PATJ: variants seen among roughly 807,000 people sequenced by gnomAD.
PATJ encodes PATJ crumbs cell polarity complex component, also known as inaD-like protein.
PATJ carries 190 observed loss-of-function variants against 224.9 expected under a neutral mutation model. The ratio of observed to expected loss-of-function variants is 0.84; its 90% CI spans 0.75 to 0.95. The LOEUF is 0.95. Among genes scored for constraint, PATJ ranks in the 40% least tolerant of loss-of-function variants. The probability of loss-of-function intolerance (pLI) is 0.00; values close to 1 mark genes in which losing one functional copy is unlikely to be tolerated. For missense variants in PATJ, 2,121 were observed against 2,270.3 expected (o/e 0.93, Z 1.34); for synonymous variants, 769 against 820.3 (o/e 0.94, Z 1.07).
intron 29 of PATJ, among the ~76,000 whole-genome samples, chr1:62,028,823 C>T (rs1648572206): frequency 6.6e-6 from 1 of 151,776 alleles, no homozygotes; most frequent in African/African-American, 2.4e-5. Flanking sequence ...AAATGGTAGC[C>T]TGTACCTGTA....
At chr1:61,755,162 A>T (rs1196702782) in intron 1 of PATJ, among the ~76,000 whole-genome samples, 1 of 151,928 alleles carries the variant, frequency 6.6e-6, no homozygotes, top group Non-Finnish European at 1.5e-5. Flanking sequence ...AAAAAAAATT[A>T]GCCGGGCGTA....
At chr1:62,152,888 C>T (rs1049303923) in intron 42 of PATJ, among the ~76,000 whole-genome samples, 1 of 151,982 alleles carries the variant, frequency 6.6e-6, no homozygotes, top group Non-Finnish European at 1.5e-5. Flanking sequence ...CCTGTAATCC[C>T]AGCACTTTGG....
chr1:61,928,018 G>C (rs1293206270), intron 27 of PATJ, among the ~76,000 whole-genome samples, 189 bp downstream of exon 27: 1 of 152,156 alleles, frequency 6.6e-6, no homozygotes, highest in African/African-American at 2.4e-5. Context: ...TGGACACTGA[G>C]AAAGGGAATA....
intron 29 of PATJ, among the ~76,000 whole-genome samples, chr1:62,031,436 G>A (rs539969157): frequency 6.6e-6 from 1 of 152,288 alleles, no homozygotes; most frequent in East Asian, 1.9e-4. Flanking sequence ...ATAAGGGATA[G>A]GTAATATGTT....
chr1:61,785,136 C>T (rs1397334140), intron 7 of PATJ, among the ~76,000 whole-genome samples: 1 of 152,136 alleles, frequency 6.6e-6, no homozygotes, highest in African/African-American at 2.4e-5. Context: ...TTCAGATTGT[C>T]GTCTTTAGCT....
chr1:61,952,130 A>G, intron 27 of PATJ: 2 of 438,376 alleles, frequency 4.6e-6, no homozygotes, highest in East Asian at 3.3e-5. Context: ...ATAGTTTTCC[A>G]GGCAGCTTTC....
intron 27 of PATJ, among the ~76,000 whole-genome samples, chr1:61,949,716 G>GA (rs1553217161): frequency 1.3e-5 from 2 of 151,688 alleles, no homozygotes; most frequent in African/African-American, 2.4e-5. Context: ...AGACCAGCCC[G>GA]CTCAACATGG....
At chr1:62,002,447 C>G (rs1645833670) in intron 28 of PATJ, among the ~76,000 whole-genome samples, 1 of 152,106 alleles carries the variant, frequency 6.6e-6, no homozygotes, top group African/African-American at 2.4e-5. Flanking sequence ...TGGCTCACAC[C>G]TGTAATCCCA....
At chr1:62,077,821 C>T (rs1395790646) in intron 31 of PATJ, among the ~76,000 whole-genome samples, 3 of 152,110 alleles carry the variant, frequency 2.0e-5, no homozygotes, top group African/African-American at 7.2e-5. Flanking sequence ...ACTTCCGGTT[C>T]TACCTCTTTC....
chr1:62,089,387 T>TA (rs11371202), intron 33 of PATJ, among the ~76,000 whole-genome samples: 51,457 of 143,794 alleles, frequency 0.36, 10,001 homozygotes, highest in East Asian at 0.85. Flanking sequence ...GTGAGGCAGC[T>TA]AAAAAAAAAA....
At chr1:62,094,583 A>G (rs1396629924) in intron 33 of PATJ, among the ~76,000 whole-genome samples, 2 of 150,872 alleles carry the variant, frequency 1.3e-5, no homozygotes, top group Non-Finnish European at 3.0e-5. Context: ...ACACACACAC[A>G]CACACACACA....
intron 29 of PATJ, among the ~76,000 whole-genome samples, chr1:62,031,492 G>A (rs1649282852): frequency 6.6e-6 from 1 of 152,178 alleles, no homozygotes; most frequent in Admixed American, 6.5e-5. Context: ...TGGACAGATT[G>A]CAGTTAATAC....
intron 21 of PATJ, among the ~76,000 whole-genome samples, chr1:61,876,949 A>G (rs1017981238): frequency 1.3e-5 from 2 of 152,242 alleles, no homozygotes; most frequent in African/African-American, 4.8e-5. Context: ...AATTATTGAC[A>G]TTATTGCATT....
At chr1:61,859,967 G>C (rs1664297984) in intron 18 of PATJ, among the ~76,000 whole-genome samples, 1 of 152,096 alleles carries the variant, frequency 6.6e-6, no homozygotes, top group Admixed American at 6.6e-5. Flanking sequence ...CAGTGCAAGT[G>C]GGGACAGAGA....
At chr1:61,998,004 T>A (rs1247124560) in intron 28 of PATJ, among the ~76,000 whole-genome samples, 4 of 104,646 alleles carry the variant, frequency 3.8e-5, no homozygotes, top group Non-Finnish European at 7.0e-5. Context: ...ATATAATATA[T>A]TATATATATT....
chr1:61,943,315 C>A (rs1005784782), intron 27 of PATJ, among the ~76,000 whole-genome samples: 1 of 152,118 alleles, frequency 6.6e-6, no homozygotes. Context: ...CCAGGAAGTG[C>A]GAGGGGTCAG....
intron 27 of PATJ, among the ~76,000 whole-genome samples, chr1:61,939,675 GCTTTTTTTT>G: frequency 1.5e-5 from 1 of 67,652 alleles, no homozygotes; most frequent in Non-Finnish European, 2.8e-5. Context: ...GTTTCTATGT[GCTTTTTTTT>G]TTTTTTTTTT....
intron 27 of PATJ, among the ~76,000 whole-genome samples, chr1:61,936,970 A>C (rs1317910456): frequency 2.0e-5 from 3 of 152,182 alleles, no homozygotes; most frequent in African/African-American, 7.2e-5. Flanking sequence ...AAAAAATAGG[A>C]AATATCCAGG....
chr1:62,071,757 G>T (rs969044743), intron 31 of PATJ, among the ~76,000 whole-genome samples: 1 of 152,158 alleles, frequency 6.6e-6, no homozygotes, highest in African/African-American at 2.4e-5. Flanking sequence ...AAAGTGCTGG[G>T]ATTACAGGCG....
Sources: gnomAD v4.1 joint callset for allele counts (sites outside exome capture counted in the v4.1 genomes callset) on GRCh38, gnomAD v4.1.1 for gene constraint, MANE v1.5 for transcripts, NCBI Gene and HGNC (gene_info 2026-07-23, HGNC 2026-07-21) for gene names.